Variants in METTL16 observed in about 807,000 individuals in gnomAD.
METTL16 encodes RNA N(6)-adenosine-methyltransferase METTL16.
METTL16 carries 19 observed loss-of-function variants against 57.9 expected under a neutral mutation model. That is an observed-to-expected ratio of 0.33 (90% CI 0.23 to 0.48). The LOEUF is 0.48. METTL16 is among the 20% of genes least tolerant of loss of function. METTL16 has a pLI of 0.99. For missense variants in METTL16, 434 were observed against 691.5 expected, an observed-to-expected ratio of 0.63 and a Z score of 4.18; for synonymous variants, 246 against 255.6, an observed-to-expected ratio of 0.96 and a Z score of 0.36.
At chr17:2,441,464 C>A (rs749376998) in intron 7 of METTL16, 26 bp downstream of exon 7, 1 of 1,532,192 alleles carries the variant, frequency 6.5e-7, no homozygotes. Flanking sequence ...AGTAGCTACA[C>A]GAGAACAGTA....
At chr17:2,496,079 C>CA (rs1298528179) in intron 2 of METTL16, among the ~76,000 whole-genome samples, 2 of 151,340 alleles carry the variant, frequency 1.3e-5, no homozygotes, top group Non-Finnish European at 2.9e-5. Flanking sequence ...CACTGCACTC[C>CA]AGCAGCCAGG....
At chr17:2,421,933 C>T (rs115502967) in intron 8 of METTL16, among the ~76,000 whole-genome samples, 1,727 of 152,260 alleles carry the variant, frequency 0.011, 31 homozygotes, top group African/African-American at 0.039. Context: ...CCAAGAAAAT[C>T]ACGACTGGCA....
chr17:2,422,749 C>T (rs1000672082), intron 8 of METTL16, among the ~76,000 whole-genome samples: 2 of 151,462 alleles, frequency 1.3e-5, no homozygotes, highest in Non-Finnish European at 2.9e-5. Context: ...TTTCGGAGGC[C>T]GAGGCGGCCG....
chr17:2,451,474 T>G (rs1405437942), intron 6 of METTL16, among the ~76,000 whole-genome samples: 3 of 151,730 alleles, frequency 2.0e-5, no homozygotes, highest in Non-Finnish European at 4.4e-5. Flanking sequence ...CAAAAAAATT[T>G]AGCTGGTGTG....
chr17:2,428,166 C>T (rs2066833679), intron 8 of METTL16, among the ~76,000 whole-genome samples: 1 of 151,946 alleles, frequency 6.6e-6, no homozygotes, highest in African/African-American at 2.4e-5. Flanking sequence ...CAATGACTAA[C>T]CTGGTACCAT....
chr17:2,504,031 C>T (rs1481089414), intron 1 of METTL16, among the ~76,000 whole-genome samples: 1 of 152,120 alleles, frequency 6.6e-6, no homozygotes, highest in East Asian at 1.9e-4. Context: ...AAATATTATG[C>T]AGCCCTAAGA....
intron 8 of METTL16, among the ~76,000 whole-genome samples, chr17:2,425,678 A>G (rs1035013308): frequency 5.3e-5 from 8 of 151,998 alleles, no homozygotes; most frequent in African/African-American, 1.9e-4. Context: ...GTGGTCTACA[A>G]ATTTCTTTTC....
chr17:2,506,856 G>T (rs1418822219), intron 1 of METTL16, among the ~76,000 whole-genome samples: 3 of 151,560 alleles, frequency 2.0e-5, no homozygotes, highest in African/African-American at 4.8e-5. Flanking sequence ...TCTCTGCCCG[G>T]CCGCCCATCA....
At chr17:2,462,564 CT>C (rs1287906342) in intron 6 of METTL16, among the ~76,000 whole-genome samples, 7 of 152,132 alleles carry the variant, frequency 4.6e-5, no homozygotes, top group African/African-American at 1.7e-4. Flanking sequence ...CAGATTTCCC[CT>C]TGCTGTTCTG....
intron 8 of METTL16, among the ~76,000 whole-genome samples, chr17:2,427,909 T>C (rs1464912118): frequency 2.8e-5 from 4 of 144,906 alleles, no homozygotes; most frequent in Non-Finnish European, 6.0e-5. Flanking sequence ...AGCCCAAGAG[T>C]TTGAGACCAG....
chr17:2,487,114 T>C (rs1384400019), intron 2 of METTL16, among the ~76,000 whole-genome samples: 1 of 152,104 alleles, frequency 6.6e-6, no homozygotes, highest in Non-Finnish European at 1.5e-5. Context: ...CTGTGAGATT[T>C]AGCAACGAAA....
intron 6 of METTL16, among the ~76,000 whole-genome samples, chr17:2,456,311 G>A (rs1279830676): frequency 1.3e-5 from 2 of 152,168 alleles, no homozygotes; most frequent in African/African-American, 4.8e-5. Flanking sequence ...CCCAGTCAAA[G>A]ATGAAAGCAG....
At chr17:2,500,261 C>T (rs557486221) in intron 2 of METTL16, among the ~76,000 whole-genome samples, 32 of 151,292 alleles carry the variant, frequency 2.1e-4, no homozygotes, top group Non-Finnish European at 3.5e-4. Flanking sequence ...CCCTATGATC[C>T]TAATCTTCTT....
At chr17:2,421,896 TGAG>T (rs2066769328) in intron 8 of METTL16, among the ~76,000 whole-genome samples, 1 of 152,178 alleles carries the variant, frequency 6.6e-6, no homozygotes, top group Non-Finnish European at 1.5e-5. Flanking sequence ...CCGGCGCTGA[TGAG>T]AAGACTGGAT....
intron 1 of METTL16, among the ~76,000 whole-genome samples, chr17:2,511,293 CCA>C (rs2067586152): frequency 6.6e-6 from 1 of 151,928 alleles, no homozygotes; most frequent in African/African-American, 2.4e-5. Context: ...TCTTCAACTA[CCA>C]CTCTCTTGAT....
chr17:2,507,083 G>GC (rs1379289868), intron 1 of METTL16, among the ~76,000 whole-genome samples: 6 of 150,288 alleles, frequency 4.0e-5, no homozygotes. Flanking sequence ...GTGGGGGTCA[G>GC]CCCCCCGCCT....
intron 1 of METTL16, among the ~76,000 whole-genome samples, chr17:2,507,217 G>T (rs542328315): frequency 7.0e-6 from 1 of 142,894 alleles, no homozygotes; most frequent in Non-Finnish European, 1.5e-5. Flanking sequence ...TCAGCCCCCC[G>T]CCCGGCCAGC....
chr17:2,464,531 A>G (rs1251166107), intron 5 of METTL16, among the ~76,000 whole-genome samples, 181 bp from the exon 6 acceptor site: 1 of 152,230 alleles, frequency 6.6e-6, no homozygotes. Context: ...TACTTCATGC[A>G]ACTATTTCTT....
At chr17:2,421,765 G>A (rs558835298) in intron 8 of METTL16, among the ~76,000 whole-genome samples, 5 of 152,266 alleles carry the variant, frequency 3.3e-5, no homozygotes, top group African/African-American at 4.8e-5. Context: ...GATGACATGC[G>A]AGGAAGGATC....
Sources: allele counts gnomAD v4.1 joint callset (sites outside exome capture counted in the v4.1 genomes callset), GRCh38; gene constraint gnomAD v4.1.1; transcripts MANE v1.5; gene names NCBI Gene and HGNC (gene_info 2026-07-23, HGNC 2026-07-21).